Variants in ERG observed in about 807,000 individuals in gnomAD.
ERG encodes the protein transcriptional regulator ERG.
In ERG, 9 loss-of-function variants were observed where a neutral mutation model predicts 55.3. The observed-to-expected ratio is 0.16, with a 90% CI of 0.10 to 0.28. The LOEUF is 0.28. Among genes scored for constraint, ERG ranks in the 10% least tolerant of loss-of-function variants. ERG has a pLI of 1.00. For synonymous variants in ERG, 223 were observed against 237.3 expected (o/e 0.94, Z 0.55); for missense variants, 434 against 631.6 (o/e 0.69, Z 3.35).
chr21:38,566,933 G>C (rs2146846157), intron 2 of ERG, among the ~76,000 whole-genome samples: 1 of 152,270 alleles, frequency 6.6e-6, no homozygotes, highest in African/African-American at 2.4e-5. Flanking sequence ...AGGGGGTCTA[G>C]GCTAACCATG....
chr21:38,430,726 A>T (rs1990164053), intron 2 of ERG, among the ~76,000 whole-genome samples: 1 of 152,222 alleles, frequency 6.6e-6, no homozygotes, highest in Non-Finnish European at 1.5e-5. Flanking sequence ...AGCCAGCCAT[A>T]ACACCTCACA....
At chr21:38,472,946 C>G (rs1341604943) in intron 1 of ERG, among the ~76,000 whole-genome samples, 6 of 152,128 alleles carry the variant, frequency 3.9e-5, no homozygotes, top group Non-Finnish European at 8.8e-5. Context: ...CAGCCCATCT[C>G]GGCCCTTGAG....
chr21:38,410,460 A>G (rs1988991972), intron 3 of ERG, among the ~76,000 whole-genome samples: 1 of 152,278 alleles, frequency 6.6e-6, no homozygotes, highest in Non-Finnish European at 1.5e-5. Context: ...CATGGTTATT[A>G]TGAAATCTAC....
chr21:38,494,834 C>T lies in ERG; in HGVS notation c.18+3529G>A, dbSNP rs77777734. ...ATGCATGGGTGCATGCACACACAGG[C>T]AGAGGGCCAGGGAGAACTGTGCTGT... On this transcript the variant is annotated intron_variant, in intron 1 of 9. Transcript: ENST00000288319. 3.9e-3 allele frequency among the ~76,000 whole-genome samples: 587 copies of T among 152,330 alleles called. 28 individuals are homozygous for T. In the East Asian group the frequency reaches 0.094, roughly 24 times the overall value.
At chr21:38,371,319 C>T in the ERG span, among the ~76,000 whole-genome samples, 1 of 151,978 alleles carries the variant, frequency 6.6e-6, no homozygotes, top group Non-Finnish European at 1.5e-5. Context: ...TATACATGCA[C>T]AGCCATATTT....
intron 1 of ERG, among the ~76,000 whole-genome samples, chr21:38,591,694 A>C (rs560447758): frequency 5.3e-5 from 8 of 152,174 alleles, no homozygotes; most frequent in Admixed American, 1.3e-4. Context: ...TCCTCAAAAC[A>C]AACCAACCAA....
At chr21:38,521,847 T>G (rs936939695) in intron 2 of ERG, among the ~76,000 whole-genome samples, 1 of 152,214 alleles carries the variant, frequency 6.6e-6, no homozygotes, top group African/African-American at 2.4e-5. Context: ...AAGGGTGTCT[T>G]GGGTACATTT....
chr21:38,486,639 T>C (rs1250750920), intron 1 of ERG, among the ~76,000 whole-genome samples: 1 of 152,012 alleles, frequency 6.6e-6, no homozygotes, highest in Non-Finnish European at 1.5e-5. Flanking sequence ...AATTGAGATA[T>C]GAGAGTAAAT....
Position 38,490,399 on chromosome 21 carries a change from G to A in ERG, c.18+7964C>T, listed in dbSNP as rs188897155. 4.9e-3 allele frequency among the ~76,000 whole-genome samples: 742 copies of A among 152,254 alleles called. 7 individuals are homozygous for A. The highest frequency in any genetic ancestry group is 6.8e-3 in the Middle Eastern group (2 of 294). ...GCCATATACAGTTCTGGGCTCTTGC[G>A]ACTTGGTGAATCTCACTATAACCCT... On this transcript the variant is annotated intron_variant, in intron 1 of 9. Transcript: ENST00000288319.
intron 2 of ERG, among the ~76,000 whole-genome samples, chr21:38,565,395 G>A (rs78296657): frequency 0.013 from 1,991 of 152,270 alleles, 42 homozygotes; most frequent in African/African-American, 0.045. Flanking sequence ...ACCTTCCAAT[G>A]GTTCTCCTCC....
intron 1 of ERG, among the ~76,000 whole-genome samples, chr21:38,606,171 G>C (rs2060195876): frequency 6.6e-6 from 1 of 152,148 alleles, no homozygotes; most frequent in African/African-American, 2.4e-5. Context: ...AGGTAGGTAA[G>C]TAGACTGATG....
chr21:38,579,561 G>A (rs2060015384), intron 1 of ERG, among the ~76,000 whole-genome samples: 1 of 152,172 alleles, frequency 6.6e-6, no homozygotes, highest in Non-Finnish European at 1.5e-5. Flanking sequence ...AGAAGCATGA[G>A]GACTGGAGGA....
intron 1 of ERG, among the ~76,000 whole-genome samples, chr21:38,473,669 C>T (rs145712851): frequency 8.0e-4 from 122 of 151,770 alleles, no homozygotes; most frequent in African/African-American, 2.8e-3. Flanking sequence ...TTTTGAAAGA[C>T]GTGGTTTGGA....
chr21:38,466,015 C>T (rs890491613), intron 1 of ERG, among the ~76,000 whole-genome samples: 2 of 152,068 alleles, frequency 1.3e-5, no homozygotes, highest in South Asian at 2.1e-4. Context: ...GCAGTTAGCA[C>T]GGTGTTGGAG....
chr21:38,455,421 G>A (rs2058978912), intron 1 of ERG, among the ~76,000 whole-genome samples: 1 of 152,102 alleles, frequency 6.6e-6, no homozygotes, highest in Non-Finnish European at 1.5e-5. Flanking sequence ...AAAGTTGCTT[G>A]CACTTTTTTT....
the ERG span, among the ~76,000 whole-genome samples, chr21:38,369,155 T>A: frequency 6.6e-6 from 1 of 152,240 alleles, no homozygotes; most frequent in Non-Finnish European, 1.5e-5. Context: ...CTAAATCGAA[T>A]GGTATTTCTG....
At chr21:38,624,261 C>G (rs74570742) in intron 1 of ERG, among the ~76,000 whole-genome samples, 3,106 of 143,746 alleles carry the variant, frequency 0.022, 36 homozygotes, top group East Asian at 0.061. Context: ...ACTCTCCTCC[C>G]TGGGAACATC....
chr21:38,382,263 A>G lies in ERG; in HGVS notation c.*1140T>C. On this transcript the variant is annotated 3_prime_UTR_variant, in exon 10 of 10. Coordinates refer to ENST00000288319, the MANE Select transcript of ERG (RefSeq NM_182918.4). Reference sequence around the variant, plus strand: ...GGAAAAACATTGACTTGTATACTTCATTCTGACAAACGCACAGCGTTCGCG... The same window carrying G: ...GGAAAAACATTGACTTGTATACTTCGTTCTGACAAACGCACAGCGTTCGCG... 4 of 1,052,050 alleles carry G rather than the reference A, an allele frequency of 3.8e-6. No individual in the cohort carries two copies. The highest frequency in any genetic ancestry group is 4.6e-6 in the Non-Finnish European group (4 of 870,504). 65.2% of individuals were successfully genotyped at this position (1,052,050 alleles called of 1,614,324 possible). A position where few individuals can be genotyped will look rare whatever the true frequency, so the allele number is the denominator to read the frequency against.
At chr21:38,450,091 T>TA (rs201099274) in intron 1 of ERG, among the ~76,000 whole-genome samples, 4,602 of 144,780 alleles carry the variant, frequency 0.032, 220 homozygotes, top group African/African-American at 0.11. Flanking sequence ...TGATCATGCT[T>TA]AAAAAAAAAA....
Sources: allele counts gnomAD v4.1 joint callset (sites outside exome capture counted in the v4.1 genomes callset), GRCh38; gene constraint gnomAD v4.1.1; transcripts MANE v1.5; gene names NCBI Gene and HGNC (gene_info 2026-07-23, HGNC 2026-07-21).